The following EPHB1 variants were observed in gnomAD, a reference collection of about 807,000 sequenced individuals.
EPHB1 encodes the protein ephrin type-B receptor 1.
A neutral mutation model predicts 94.4 loss-of-function variants in EPHB1; 30 were observed. That is an observed-to-expected ratio of 0.32 (90% CI 0.24 to 0.43). EPHB1 has a LOEUF of 0.43. Among genes scored for constraint, EPHB1 ranks in the 20% least tolerant of loss-of-function variants. The pLI, the probability that EPHB1 is intolerant of heterozygous loss-of-function variation, is 1.00. For synonymous variants in EPHB1, 522 were observed against 489.1 expected (o/e 1.07, Z -0.89); for missense variants, 1,055 against 1,308.3 (o/e 0.81, Z 2.99).
chr3:135,157,373 A>G (rs1941385220), intron 6 of EPHB1, among the ~76,000 whole-genome samples: 1 of 152,192 alleles, frequency 6.6e-6, no homozygotes, highest in Admixed American at 6.5e-5. Flanking sequence ...CTCCCAAACC[A>G]GCCCAAGCTC....
intron 12 of EPHB1, among the ~76,000 whole-genome samples, chr3:135,218,921 G>T (rs6805252): frequency 0.66 from 99,624 of 152,058 alleles, 33,853 homozygotes; most frequent in Middle Eastern, 0.76. Context: ...TTAATTAGGG[G>T]AAGAGCATGG....
intron 12 of EPHB1, among the ~76,000 whole-genome samples, chr3:135,236,380 T>C (rs1943653251): frequency 2.0e-5 from 3 of 152,124 alleles, no homozygotes; most frequent in African/African-American, 7.2e-5. Context: ...TATGATGTCA[T>C]TTTAACTTGA....
At chr3:135,146,853 G>A (rs983799383) in intron 5 of EPHB1, among the ~76,000 whole-genome samples, 2 of 152,206 alleles carry the variant, frequency 1.3e-5, no homozygotes, top group East Asian at 3.8e-4. Flanking sequence ...TATGTGAACA[G>A]CAGTGGACCC....
intron 3 of EPHB1, among the ~76,000 whole-genome samples, chr3:135,079,086 CAAA>C (rs138343375): frequency 7.4e-6 from 1 of 135,228 alleles, no homozygotes; most frequent in African/African-American, 2.6e-5. Flanking sequence ...TAAAAACAAG[CAAA>C]AAAAAAACAA....
intron 3 of EPHB1, among the ~76,000 whole-genome samples, chr3:135,061,722 T>C (rs1937513349): frequency 6.6e-6 from 1 of 152,124 alleles, no homozygotes; most frequent in Non-Finnish European, 1.5e-5. Flanking sequence ...ACATTAGGTA[T>C]ATCTCCTAAT....
intron 12 of EPHB1, among the ~76,000 whole-genome samples, chr3:135,223,304 C>A (rs777951302): frequency 6.6e-6 from 1 of 152,178 alleles, no homozygotes; most frequent in Non-Finnish European, 1.5e-5. Context: ...GGAAACCTTG[C>A]AGGGCTCCAG....
chr3:134,804,949 T>C (rs891674364), intron 1 of EPHB1, among the ~76,000 whole-genome samples: 1 of 152,252 alleles, frequency 6.6e-6, no homozygotes, highest in South Asian at 2.1e-4. Context: ...GGTGGCTTCA[T>C]TGACGGTGGC....
At chr3:134,969,798 G>A (rs1933899097) in intron 3 of EPHB1, among the ~76,000 whole-genome samples, 1 of 152,124 alleles carries the variant, frequency 6.6e-6, no homozygotes, top group African/African-American at 2.4e-5. Context: ...GAAAAAATCT[G>A]CTCATTCTGA....
At chr3:134,968,764 T>C (rs1052562809) in intron 3 of EPHB1, among the ~76,000 whole-genome samples, 1 of 152,190 alleles carries the variant, frequency 6.6e-6, no homozygotes, top group Non-Finnish European at 1.5e-5. Context: ...CAGTGATTTG[T>C]TTTTCATCAT....
chr3:134,870,935 T>A (rs1453714609), intron 1 of EPHB1, among the ~76,000 whole-genome samples: 1 of 152,132 alleles, frequency 6.6e-6, no homozygotes, highest in African/African-American at 2.4e-5. Context: ...AAGCTTCCTC[T>A]TGTCTTTCAA....
At chr3:135,188,168 C>T (rs147359209) in intron 10 of EPHB1, among the ~76,000 whole-genome samples, 57 of 150,780 alleles carry the variant, frequency 3.8e-4, no homozygotes, top group African/African-American at 1.2e-3. Context: ...CACTGTACTA[C>T]AGCCTGGGCA....
intron 3 of EPHB1, among the ~76,000 whole-genome samples, chr3:135,052,975 ATATATATGTGTGTG>A (rs1268775993): frequency 4.4e-5 from 5 of 113,216 alleles, no homozygotes; most frequent in African/African-American, 7.4e-5. Flanking sequence ...ATATATGTGT[ATATATATGTGTGTG>A]TATATATATG....
intron 12 of EPHB1, among the ~76,000 whole-genome samples, chr3:135,214,852 C>T (rs1032406661): frequency 6.6e-6 from 1 of 152,162 alleles, no homozygotes; most frequent in African/African-American, 2.4e-5. Flanking sequence ...GCAAAAAGAC[C>T]ATTTCTAGAA....
chr3:134,854,137 C>T (rs528013765), intron 1 of EPHB1, among the ~76,000 whole-genome samples: 12 of 152,260 alleles, frequency 7.9e-5, no homozygotes, highest in East Asian at 5.8e-4. Context: ...AGGCATATGA[C>T]GGGTCTGGTA....
At chr3:134,943,743 CAT>C (rs1333637533) in intron 2 of EPHB1, among the ~76,000 whole-genome samples, 2 of 152,112 alleles carry the variant, frequency 1.3e-5, no homozygotes, top group Non-Finnish European at 2.9e-5. Context: ...TCATTCATAA[CAT>C]GTTTGATTGA....
chr3:135,234,806 A>C (rs1180034871), intron 12 of EPHB1, among the ~76,000 whole-genome samples: 1 of 152,240 alleles, frequency 6.6e-6, no homozygotes. Flanking sequence ...ACTCACTATC[A>C]TGAGAACAGC....
intron 5 of EPHB1, among the ~76,000 whole-genome samples, chr3:135,134,861 C>A (rs1940560760): frequency 6.6e-6 from 1 of 152,116 alleles, no homozygotes; most frequent in Admixed American, 6.6e-5. Flanking sequence ...GCGAACAAAC[C>A]TGCCACTTAT....
Position 135,058,912 on chromosome 3 carries a change from C to T in EPHB1, c.806-47536C>T, listed in dbSNP as rs75076357. 4.6e-3 allele frequency among the ~76,000 whole-genome samples: 705 copies of T among 152,276 alleles called. 6 individuals are homozygous for T. Among genetic ancestry groups the T allele is most frequent in the African/African-American group, 0.016 (680 of 41,550 alleles). ...GGGTTTAGTATGAACCCTTTCCTAACCTTAATTTGCCATAGGAAGATTTTA... is the reference window on the plus strand; with the variant it reads ...GGGTTTAGTATGAACCCTTTCCTAATCTTAATTTGCCATAGGAAGATTTTA... On this transcript the variant is annotated intron_variant, in intron 3 of 15. Coordinates refer to ENST00000398015, the MANE Select transcript of EPHB1 (RefSeq NM_004441.5).
chr3:134,986,744 A>ACACACACACC (rs1553718460), intron 3 of EPHB1, among the ~76,000 whole-genome samples: 69 of 151,180 alleles, frequency 4.6e-4, no homozygotes, highest in Admixed American at 1.3e-3. Context: ...ACACACACAC[A>ACACACACACC]TCCCAAACAA....
Sources: gnomAD v4.1 joint callset for allele counts (sites outside exome capture counted in the v4.1 genomes callset) on GRCh38, gnomAD v4.1.1 for gene constraint, MANE v1.5 for transcripts, NCBI Gene and HGNC (gene_info 2026-07-23, HGNC 2026-07-21) for gene names.